The following WDR70 variants were observed in gnomAD, a reference collection of about 807,000 sequenced individuals.
WDR70 encodes WD repeat domain 70, also known as WD repeat-containing protein 70.
A neutral mutation model predicts 88.6 loss-of-function variants in WDR70; 53 were observed. The ratio of observed to expected loss-of-function variants is 0.60; its 90% CI spans 0.48 to 0.75. The LOEUF (loss-of-function observed/expected upper bound fraction) is 0.75. Ranked by LOEUF, WDR70 falls within the 30% of genes least tolerant of loss-of-function variation. WDR70 has a pLI of 0.00. For missense variants in WDR70, 610 were observed against 823.2 expected, an observed-to-expected ratio of 0.74 and a Z score of 3.17; for synonymous variants, 280 against 270.0, an observed-to-expected ratio of 1.04 and a Z score of -0.36.
chr5:37,388,577 T>TA (rs1165778592), intron 3 of WDR70, among the ~76,000 whole-genome samples: 1 of 149,032 alleles, frequency 6.7e-6, no homozygotes, highest in East Asian at 2.0e-4. Flanking sequence ...CCATCTCTAC[T>TA]AAAAATACAA....
chr5:37,620,090 A>G (rs1053321519), intron 10 of WDR70: 2 of 152,050 alleles, frequency 1.3e-5, no homozygotes, highest in East Asian at 1.9e-4. Context: ...CGTGAACACA[A>G]TATTTACCAG....
chr5:37,621,385 G>C (rs1326005290), intron 10 of WDR70, among the ~76,000 whole-genome samples: 2 of 152,070 alleles, frequency 1.3e-5, no homozygotes, highest in African/African-American at 2.4e-5. Context: ...TGTATTCACA[G>C]TGTTGCAACC....
intron 4 of WDR70, among the ~76,000 whole-genome samples, chr5:37,394,420 C>T (rs1457506085): frequency 6.6e-6 from 1 of 152,064 alleles, no homozygotes; most frequent in Non-Finnish European, 1.5e-5. Flanking sequence ...ACTTACTGAG[C>T]ATCTACTGTG....
rs1747203755 is a variant in WDR70, at chr5:37,702,845, A to G, written c.1278-104A>G. On this transcript the variant is annotated intron_variant, in intron 12 of 17. Transcript: ENST00000265107. ...TATAAGTGCTTGACTCATAAGCCCTATATAGGAGTTACAGAGATGTTTATA... is the reference window on the plus strand; with the variant it reads ...TATAAGTGCTTGACTCATAAGCCCTGTATAGGAGTTACAGAGATGTTTATA... 5.9e-6 allele frequency: 7 copies of G among 1,190,038 alleles called. No individual in the cohort carries two copies. In the South Asian group the frequency reaches 1.0e-4, roughly 18 times the overall value. The allele number at this position is 1,190,038 out of a possible 1,614,324, so 73.7% of individuals were successfully genotyped here.
intron 17 of WDR70, among the ~76,000 whole-genome samples, chr5:37,752,240 A>G (rs891286899): frequency 6.6e-6 from 1 of 152,146 alleles, no homozygotes; most frequent in Non-Finnish European, 1.5e-5. Flanking sequence ...TTATTTAAGG[A>G]AAGAACAGTG....
Position 37,379,351 on chromosome 5 carries a change from G to A in WDR70, c.-17G>A. 2 of 1,613,602 alleles carry A rather than the reference G, an allele frequency of 1.2e-6. No individual in the cohort carries two copies. The highest frequency in any genetic ancestry group is 1.7e-6 in the Non-Finnish European group (2 of 1,179,798). ...TTGGGCTGTCCCTGTGGCTGGTTCTGGGGTGTGCGGCCAGCCATGGAGCGC... is the reference window on the plus strand; with the variant it reads ...TTGGGCTGTCCCTGTGGCTGGTTCTAGGGTGTGCGGCCAGCCATGGAGCGC... On this transcript the variant is annotated 5_prime_UTR_variant, in exon 1 of 18. Coordinates refer to ENST00000265107, the MANE Select transcript of WDR70 (RefSeq NM_018034.4).
At chr5:37,481,117 G>A (rs1252707389) in intron 8 of WDR70, among the ~76,000 whole-genome samples, 1 of 152,218 alleles carries the variant, frequency 6.6e-6, no homozygotes, top group Non-Finnish European at 1.5e-5. Context: ...CTGTGGCTTT[G>A]CAGGGTACAG....
At chr5:37,655,266 C>A (rs919833755) in intron 10 of WDR70, among the ~76,000 whole-genome samples, 2 of 152,174 alleles carry the variant, frequency 1.3e-5, no homozygotes, top group African/African-American at 4.8e-5. Flanking sequence ...TGAATATTGG[C>A]CCCTACTTTC....
At chr5:37,491,147 C>T (rs192383541) in intron 8 of WDR70, among the ~76,000 whole-genome samples, 1 of 152,210 alleles carries the variant, frequency 6.6e-6, no homozygotes, top group East Asian at 1.9e-4. Context: ...AATGTGGATG[C>T]TGGGAATCTT....
At chr5:37,500,228 G>C (rs1271781483) in intron 8 of WDR70, among the ~76,000 whole-genome samples, 1 of 152,132 alleles carries the variant, frequency 6.6e-6, no homozygotes, top group African/African-American at 2.4e-5. Context: ...TTAGAATAAT[G>C]GTCTCCAGCT....
intron 5 of WDR70, among the ~76,000 whole-genome samples, chr5:37,406,844 G>A (rs1257501338): frequency 1.3e-5 from 2 of 152,142 alleles, no homozygotes; most frequent in East Asian, 1.9e-4. Flanking sequence ...AGCAACAGAG[G>A]TAACAATCAT....
intron 8 of WDR70, among the ~76,000 whole-genome samples, chr5:37,483,736 ACCTC>A (rs1739753401): frequency 1.5e-5 from 2 of 137,318 alleles, no homozygotes; most frequent in African/African-American, 5.7e-5. Flanking sequence ...GGTGCCCCCC[ACCTC>A]CCTCCCGGAC....
At chr5:37,400,068 G>T (rs898964792) in intron 5 of WDR70, among the ~76,000 whole-genome samples, 2 of 152,104 alleles carry the variant, frequency 1.3e-5, no homozygotes, top group Non-Finnish European at 2.9e-5. Context: ...GAGTAGCTGG[G>T]ATTACAGGCA....
chr5:37,554,054 C>T (rs1420413006), intron 9 of WDR70, among the ~76,000 whole-genome samples: 1 of 150,990 alleles, frequency 6.6e-6, no homozygotes, highest in Non-Finnish European at 1.5e-5. Flanking sequence ...GACAGTTGAT[C>T]CATTTGGTTA....
At position 37,507,001 on chromosome 5, in the gene WDR70, A is replaced by G. The variant is rs563847753; in HGVS notation, c.841-9513A>G. 7 of 610,744 alleles carry G rather than the reference A, an allele frequency of 1.1e-5. No homozygotes were observed. In the East Asian group the frequency reaches 1.4e-4, roughly 12 times the overall value. The allele number at this position is 610,744 out of a possible 1,614,324, so 37.8% of individuals were successfully genotyped here. On this transcript the variant is annotated intron_variant, in intron 8 of 17. Transcript: ENST00000265107. Reference sequence around the variant, plus strand: ...CACCTTCCTGCCCTTGGGGACACACACACACAGGCACTCTGTCCCACACCC... The same window carrying G: ...CACCTTCCTGCCCTTGGGGACACACGCACACAGGCACTCTGTCCCACACCC...
chr5:37,514,234 A>G (rs1483394253), intron 8 of WDR70, among the ~76,000 whole-genome samples: 1 of 149,416 alleles, frequency 6.7e-6, no homozygotes, highest in East Asian at 2.0e-4. Context: ...GCCCAGGCTG[A>G]TCTCAAACTG....
chr5:37,420,622 G>T (rs921035376), intron 5 of WDR70, among the ~76,000 whole-genome samples: 1 of 151,848 alleles, frequency 6.6e-6, no homozygotes, highest in East Asian at 1.9e-4. Context: ...GTACAGATGG[G>T]GTCTTCATAT....
chr5:37,429,629 T>C (rs1408659312), intron 5 of WDR70, among the ~76,000 whole-genome samples: 1 of 152,174 alleles, frequency 6.6e-6, no homozygotes, highest in Non-Finnish European at 1.5e-5. Context: ...GCATTTTTCT[T>C]GAAAACAAAT....
At chr5:37,382,193 G>A (rs978555760) in intron 3 of WDR70, among the ~76,000 whole-genome samples, 7 of 150,662 alleles carry the variant, frequency 4.6e-5, no homozygotes, top group Admixed American at 3.3e-4. Flanking sequence ...CCACCTCCCC[G>A]GTTCAAGCGA....
Sources: gnomAD v4.1 joint callset for allele counts (sites outside exome capture counted in the v4.1 genomes callset) on GRCh38, gnomAD v4.1.1 for gene constraint, MANE v1.5 for transcripts, NCBI Gene and HGNC (gene_info 2026-07-23, HGNC 2026-07-21) for gene names.